The following DIP2C variants were observed in gnomAD, a reference collection of about 807,000 sequenced individuals.
DIP2C encodes the protein DIP2 acetate--CoA ligase C (putative), also known as disco-interacting protein 2 homolog C.
In DIP2C, 33 loss-of-function variants were observed where a neutral mutation model predicts 192.4. The ratio of observed to expected loss-of-function variants is 0.17; its 90% CI spans 0.13 to 0.23. The LOEUF (loss-of-function observed/expected upper bound fraction) is 0.23. DIP2C is among the 10% of genes least tolerant of loss of function. DIP2C has a pLI of 1.00. For synonymous variants in DIP2C, 979 were observed against 864.1 expected (o/e 1.13, Z -2.33); for missense variants, 1,537 against 2,110.1 (o/e 0.73, Z 5.32).
intron 1 of DIP2C, among the ~76,000 whole-genome samples, chr10:486,802 C>T (rs951848377): frequency 6.6e-6 from 1 of 152,198 alleles, no homozygotes; most frequent in Non-Finnish European, 1.5e-5. Flanking sequence ...GGGTTAGACC[C>T]CTGCCATCTC....
chr10:528,989 G>C (rs963405186), intron 1 of DIP2C, among the ~76,000 whole-genome samples: 1 of 152,210 alleles, frequency 6.6e-6, no homozygotes, highest in African/African-American at 2.4e-5. Flanking sequence ...AGCTGATCAT[G>C]AGACACCTGA....
chr10:501,956 G>A (rs1294343312), intron 1 of DIP2C, among the ~76,000 whole-genome samples: 1 of 152,122 alleles, frequency 6.6e-6, no homozygotes, highest in Non-Finnish European at 1.5e-5. Context: ...ACCAGCCTGG[G>A]TAACATAGTG....
chr10:443,904 A>G (rs1967940153), intron 3 of DIP2C, among the ~76,000 whole-genome samples: 1 of 152,212 alleles, frequency 6.6e-6, no homozygotes, highest in South Asian at 2.1e-4. Flanking sequence ...GCGGGAGTAC[A>G]AAGTATACAC....
chr10:309,958 G>A, intron 32 of DIP2C, 73 bp downstream of exon 32: 1 of 1,416,484 alleles, frequency 7.1e-7, no homozygotes. Flanking sequence ...TCTTCTAGAT[G>A]GAGACCTGCA....
chr10:561,277 T>A (rs1849201712), intron 1 of DIP2C, among the ~76,000 whole-genome samples: 1 of 152,126 alleles, frequency 6.6e-6, no homozygotes, highest in Non-Finnish European at 1.5e-5. Context: ...CTTTCATGTG[T>A]ATTTATTTTG....
At chr10:445,316 C>G (rs1968080724) in intron 3 of DIP2C, among the ~76,000 whole-genome samples, 1 of 151,870 alleles carries the variant, frequency 6.6e-6, no homozygotes, top group African/African-American at 2.4e-5. Context: ...CTGTATACAT[C>G]TGTTGTGAAG....
intron 29 of DIP2C, among the ~76,000 whole-genome samples, chr10:334,947 A>G (rs181925383): frequency 6.6e-6 from 1 of 152,294 alleles, no homozygotes; most frequent in East Asian, 1.9e-4. Context: ...GGATATTATC[A>G]ATTTCTGCCC....
chr10:623,111 G>A (rs923335947), intron 1 of DIP2C, among the ~76,000 whole-genome samples: 20 of 152,206 alleles, frequency 1.3e-4, no homozygotes, highest in African/African-American at 4.8e-4. Context: ...CCTTCCCAGG[G>A]AGCCAGTGAG....
At chr10:572,684 T>C (rs1849899144) in intron 1 of DIP2C, among the ~76,000 whole-genome samples, 1 of 152,188 alleles carries the variant, frequency 6.6e-6, no homozygotes, top group Admixed American at 6.5e-5. Context: ...AACTTCTCCA[T>C]AATAGACAAA....
intron 32 of DIP2C, among the ~76,000 whole-genome samples, chr10:290,864 C>T (rs768684518): frequency 1.2e-4 from 19 of 152,214 alleles, no homozygotes; most frequent in Non-Finnish European, 1.8e-4. Context: ...TACTTTAGGA[C>T]GTTTGAGATC....
At chr10:361,994 C>T (rs1589609054) in intron 22 of DIP2C, among the ~76,000 whole-genome samples, 1 of 151,612 alleles carries the variant, frequency 6.6e-6, no homozygotes, top group Non-Finnish European at 1.5e-5. Context: ...ATGAGAACAG[C>T]CGTGTGTGGG....
intron 1 of DIP2C, among the ~76,000 whole-genome samples, chr10:680,479 T>C (rs947170981): frequency 3.9e-5 from 6 of 152,180 alleles, no homozygotes; most frequent in African/African-American, 1.2e-4. Context: ...CAGCTAACCG[T>C]GTGGATCTGC....
At chr10:506,217 C>T (rs932788440) in intron 1 of DIP2C, among the ~76,000 whole-genome samples, 2 of 152,140 alleles carry the variant, frequency 1.3e-5, no homozygotes, top group African/African-American at 4.8e-5. Flanking sequence ...AGACCACCAG[C>T]CCAGAGTCAA....
chr10:390,411 C>A, intron 11 of DIP2C, 38 bp from the exon 12 acceptor site: 1 of 1,587,600 alleles, frequency 6.3e-7, no homozygotes, highest in South Asian at 1.1e-5. Context: ...AAATGTTACT[C>A]TGAAAGTCGG....
chr10:590,384 T>C (rs1851328139), intron 1 of DIP2C, among the ~76,000 whole-genome samples: 1 of 152,246 alleles, frequency 6.6e-6, no homozygotes. Flanking sequence ...AAAGGCTAAA[T>C]GACTAACGCC....
rs565202883 is a variant in DIP2C, at chr10:278,018, C to T, written c.4419-441G>A. 4.6e-5 allele frequency among the ~76,000 whole-genome samples: 7 copies of T among 152,324 alleles called. No homozygotes were observed. In the East Asian group the frequency reaches 9.7e-4, roughly 21 times the overall value. ...CCCAGCTCTGCTGCTGAGGGCCGTG[C>T]GTGCGGAGGCCGAGGGCAGGGGTGC... On this transcript the variant is annotated intron_variant, in intron 36 of 36. Transcript: ENST00000280886.
chr10:307,086 CCT>C (rs764404155), intron 32 of DIP2C, among the ~76,000 whole-genome samples: 7 of 151,908 alleles, frequency 4.6e-5, no homozygotes, highest in Non-Finnish European at 7.4e-5. Flanking sequence ...ACTTGTGGCC[CCT>C]CTTTCCCTCC....
chr10:452,579 C>T (rs563605332), intron 3 of DIP2C, among the ~76,000 whole-genome samples: 75 of 152,282 alleles, frequency 4.9e-4, no homozygotes, highest in African/African-American at 1.5e-3. Flanking sequence ...TCTACAATAG[C>T]GATTAAATGG....
At chr10:527,081 C>CA (rs1008751296) in intron 1 of DIP2C, among the ~76,000 whole-genome samples, 5 of 152,116 alleles carry the variant, frequency 3.3e-5, no homozygotes, top group African/African-American at 9.7e-5. Context: ...TCTGGCTCCT[C>CA]ACCTCTACCC....
Sources: gnomAD v4.1 joint callset for allele counts (sites outside exome capture counted in the v4.1 genomes callset) on GRCh38, gnomAD v4.1.1 for gene constraint, MANE v1.5 for transcripts, NCBI Gene and HGNC (gene_info 2026-07-23, HGNC 2026-07-21) for gene names.